Variants in DACH2 observed in about 807,000 individuals in gnomAD.
The protein encoded by DACH2 is dachshund family transcription factor 2.
In DACH2, 17 loss-of-function variants were observed where a neutral mutation model predicts 35.8. The observed-to-expected ratio is 0.48, with a 90% confidence interval of 0.33 to 0.71. The LOEUF (loss-of-function observed/expected upper bound fraction) is 0.71. Among genes scored for constraint, DACH2 ranks in the 30% least tolerant of loss-of-function variants. The pLI is 0.02. For synonymous variants in DACH2, 195 were observed against 177.3 expected, an observed-to-expected ratio of 1.10 and a Z score of -0.79; for missense variants, 469 against 472.7, an observed-to-expected ratio of 0.99 and a Z score of 0.07.
Position 86,831,078 on chromosome X carries a change from C to T in DACH2, c.1751-1028C>T, listed in dbSNP as rs746555978. The T allele has an allele frequency of 2.7e-5, 3 of 111,305 alleles. No homozygotes were observed. In the East Asian group the frequency reaches 8.5e-4, roughly 31 times the overall value. 9.2% of individuals were successfully genotyped at this position (111,305 alleles called of 1,213,427 possible). Reference sequence around the variant, plus strand: ...CCCCAAATCTTTTATTCATCTATTACCTTACTACATCTTTATTTTTGGTTC... The same window carrying T: ...CCCCAAATCTTTTATTCATCTATTATCTTACTACATCTTTATTTTTGGTTC... On this transcript the variant is annotated intron_variant, in intron 11 of 11. Coordinates refer to ENST00000373125, the MANE Select transcript of DACH2 (RefSeq NM_053281.3).
intron 3 of DACH2, among the ~76,000 whole-genome samples, chrX:86,596,893 T>C (rs1232090661): frequency 9.0e-6 from 1 of 111,567 alleles, no homozygotes; most frequent in Non-Finnish European, 1.9e-5. Context: ...CAACTGTTTT[T>C]TTTTCCCCAT....
intron 1 of DACH2, among the ~76,000 whole-genome samples, chrX:86,295,942 T>C (rs1251992864): frequency 9.0e-6 from 1 of 110,815 alleles, no homozygotes; most frequent in African/African-American, 3.3e-5. Flanking sequence ...TGTGTGTGTA[T>C]AGATAGTTGT....
chrX:86,717,229 C>A (rs894538768), intron 6 of DACH2, among the ~76,000 whole-genome samples: 13 of 111,079 alleles, frequency 1.2e-4, no homozygotes, highest in Admixed American at 9.6e-4. Context: ...TCATCATGCA[C>A]CCTATTCCAT....
chrX:86,527,547 CA>C (rs2038651929), intron 3 of DACH2, among the ~76,000 whole-genome samples: 1 of 112,312 alleles, frequency 8.9e-6, no homozygotes, highest in South Asian at 3.7e-4. Context: ...TATTGCTTAG[CA>C]GCAAGTATTT....
intron 1 of DACH2, among the ~76,000 whole-genome samples, chrX:86,262,789 C>A (rs918670848): frequency 8.9e-6 from 1 of 112,284 alleles, no homozygotes; most frequent in African/African-American, 3.2e-5. Context: ...TTATCAAATG[C>A]TTCTAACAAA....
intron 5 of DACH2, among the ~76,000 whole-genome samples, chrX:86,695,858 C>T (rs1343432858): frequency 2.7e-5 from 3 of 110,954 alleles, no homozygotes; most frequent in South Asian, 7.7e-4. Flanking sequence ...GAGAAGTCAC[C>T]TAACCTTTCC....
intron 3 of DACH2, among the ~76,000 whole-genome samples, chrX:86,638,894 A>G (rs766385058): frequency 1.8e-5 from 2 of 112,317 alleles, no homozygotes; most frequent in Non-Finnish European, 3.8e-5. Flanking sequence ...TCAATCCAGC[A>G]GTCCCACAAC....
intron 1 of DACH2, among the ~76,000 whole-genome samples, chrX:86,167,495 A>G (rs1388864600): frequency 1.8e-5 from 2 of 110,827 alleles, no homozygotes; most frequent in East Asian, 2.8e-4. Flanking sequence ...TGTTTAACAA[A>G]TCAATTTTTT....
intron 1 of DACH2, among the ~76,000 whole-genome samples, chrX:86,224,216 T>C (rs2032773924): frequency 9.0e-6 from 1 of 111,456 alleles, no homozygotes; most frequent in South Asian, 3.7e-4. Context: ...TTATCTAGAA[T>C]TGCGTGCAAC....
intron 2 of DACH2, among the ~76,000 whole-genome samples, chrX:86,391,913 T>G (rs2036209476): frequency 9.0e-6 from 1 of 111,597 alleles, no homozygotes; most frequent in African/African-American, 3.2e-5. Flanking sequence ...AATCACACAA[T>G]GGAACATGAT....
chrX:86,831,988 T>G, intron 11 of DACH2, 118 bp from the exon 12 acceptor site: 1 of 451,798 alleles, frequency 2.2e-6, no homozygotes, highest in Non-Finnish European at 3.7e-6. Flanking sequence ...TTACCAACAC[T>G]AAATTGAGCC....
chrX:86,327,946 T>G (rs2035144734), intron 1 of DACH2, among the ~76,000 whole-genome samples: 1 of 111,822 alleles, frequency 8.9e-6, no homozygotes, highest in Non-Finnish European at 1.9e-5. Flanking sequence ...TAGCTTTAAT[T>G]TCTGCATTTG....
intron 3 of DACH2, among the ~76,000 whole-genome samples, chrX:86,569,288 C>T (rs1216709323): frequency 9.0e-6 from 1 of 111,065 alleles, no homozygotes; most frequent in African/African-American, 3.3e-5. Context: ...CTTAGCAGCC[C>T]ACTTTAATGC....
intron 2 of DACH2, among the ~76,000 whole-genome samples, chrX:86,383,669 C>T (rs1264732097): frequency 9.5e-6 from 1 of 104,890 alleles, no homozygotes; most frequent in African/African-American, 3.5e-5. Context: ...TTGAGCAAGT[C>T]ATTTACATGC....
intron 3 of DACH2, among the ~76,000 whole-genome samples, chrX:86,645,050 G>A (rs1321173545): frequency 9.0e-6 from 1 of 110,806 alleles, no homozygotes; most frequent in Non-Finnish European, 1.9e-5. Context: ...CAGAACAAAA[G>A]CAAACATTAA....
chrX:86,712,514 G>GTGTA (rs1556382257), intron 5 of DACH2, among the ~76,000 whole-genome samples: 1 of 108,845 alleles, frequency 9.2e-6, no homozygotes, highest in African/African-American at 3.3e-5. Context: ...CACGTTGTGT[G>GTGTA]TATATATATA....
intron 1 of DACH2, among the ~76,000 whole-genome samples, chrX:86,230,592 T>G (rs1476252599): frequency 9.0e-6 from 1 of 111,662 alleles, no homozygotes; most frequent in East Asian, 2.8e-4. Context: ...TCTGGTAGAA[T>G]TCTGCTGTGA....
rs186734931 is a variant in DACH2 at position 86,265,161 on chromosome X, T to C, written c.489-111663T>C. 8.0e-5 allele frequency among the ~76,000 whole-genome samples: 9 copies of C among 112,210 alleles called. No homozygotes were observed. The East Asian group carries it at 2.2e-3, about 28-fold the overall frequency. On this transcript the variant is annotated intron_variant, in intron 1 of 11. Coordinates refer to ENST00000373125, the MANE Select transcript of DACH2 (RefSeq NM_053281.3). ...AGTTCCTTGTACTTCTATGGTTTAA[T>C]AGAAGCTGTTCTTTTTATAAATGAA...
chrX:86,630,052 C>T (rs1193986374), intron 3 of DACH2, among the ~76,000 whole-genome samples: 2 of 111,220 alleles, frequency 1.8e-5, no homozygotes, highest in Non-Finnish European at 3.8e-5. Context: ...TGAAGTTGAG[C>T]TTATATCCTT....
Sources: gnomAD v4.1 joint callset for allele counts (sites outside exome capture counted in the v4.1 genomes callset) on GRCh38, gnomAD v4.1.1 for gene constraint, MANE v1.5 for transcripts, NCBI Gene and HGNC (gene_info 2026-07-23, HGNC 2026-07-21) for gene names.